The following TUBB4B variants were observed in gnomAD, a reference collection of about 807,000 sequenced individuals.
TUBB4B encodes tubulin beta 4B class IVb, also known as tubulin beta-4B chain.
TUBB4B carries 7 observed loss-of-function variants against 34.3 expected under a neutral mutation model. The observed-to-expected ratio is 0.20, with a 90% CI of 0.12 to 0.38. TUBB4B has a LOEUF of 0.38. TUBB4B is among the 10% of genes least tolerant of loss of function. The pLI is 1.00. For missense variants in TUBB4B, 178 were observed against 610.9 expected (o/e 0.29, Z 7.47); for synonymous variants, 390 against 250.2 (o/e 1.56, Z -5.27).
Position 137,241,762 on chromosome 9 carries a change from G to A in TUBB4B, c.99G>A (p.Thr33=), listed in dbSNP as rs1588857627. The change falls in exon 2 of 4, where the codon ACG becomes ACA. Residue 33 remains threonine, a synonymous_variant. Transcript: ENST00000340384. ...GCGATGAGCACGGCATCGACCCCAC[G>A]GGCACCTACCACGGGGACAGCGACC... The part of the protein sequence containing the change: ...VISDEHGIDP[T]GTYHGDSDLQ... 1.9e-6 allele frequency: 3 copies of A among 1,612,114 alleles called. No homozygotes were observed. Among genetic ancestry groups the A allele is most frequent in the South Asian group, 1.1e-5 (1 of 91,072 alleles).
Position 137,243,522 on chromosome 9 carries a change from A to G in TUBB4B, c.1304A>G (p.Glu435Gly). Residue 435 changes from glutamate to glycine, a missense_variant, in exon 4 of 4, where the codon GAG becomes GGG. Transcript: ENST00000340384. ...GATGCCACAGCCGAGGAGGAGGGCG[A>G]GTTCGAGGAGGAGGCTGAGGAGGAG... ...YQDATAEEEG[E>G]FEEEAEEEVA 1 of 1,613,948 alleles carries G rather than the reference A, an allele frequency of 6.2e-7. No individual in the cohort carries two copies. The highest frequency in any genetic ancestry group is 8.5e-7 in the Non-Finnish European group (1 of 1,180,016).
In TUBB4B at chr9:137,242,347, C is replaced by G. The variant is rs926046757; in HGVS notation, c.278-149C>G. On this transcript the variant is annotated intron_variant, in intron 3 of 3. Transcript: ENST00000340384. ...CTTAATTCGTAGCAGGGCAGGCTGCCGTCTTTTGGCTTTGAAGGGTCCGTT... is the reference window on the plus strand; with the variant it reads ...CTTAATTCGTAGCAGGGCAGGCTGCGGTCTTTTGGCTTTGAAGGGTCCGTT... 4.2e-5 allele frequency: 40 copies of G among 954,192 alleles called. No homozygotes were observed. The South Asian group carries it at 4.3e-4, about 10-fold the overall frequency. 59.1% of individuals were successfully genotyped at this position (954,192 alleles called of 1,614,324 possible). A position where few individuals can be genotyped will look rare whatever the true frequency, so the allele number is the denominator to read the frequency against.
intron 1 of TUBB4B, 145 bp downstream of exon 1, chr9:137,241,562 G>C (rs1329325522): frequency 1.3e-5 from 11 of 849,956 alleles, no homozygotes; most frequent in Non-Finnish European, 1.4e-5. Context: ...CGAGCCGGGC[G>C]ACCGAAGCCC....
chr9:137,242,273 G>C (rs1332894688), intron 3 of TUBB4B: 11 of 673,550 alleles, frequency 1.6e-5, no homozygotes, highest in Non-Finnish European at 2.5e-5. Flanking sequence ...GGAATTGGCA[G>C]TGGCCCCCCC....
At chr9:137,241,668 C>T (rs539023461) in intron 1 of TUBB4B, 53 bp from the exon 2 acceptor site, 5 of 1,462,718 alleles carry the variant, frequency 3.4e-6, no homozygotes, top group Admixed American at 4.2e-5. Flanking sequence ...CCCTGCGCAC[C>T]GGCCGCGGTG....
In TUBB4B at chr9:137,241,836, C is replaced by T. The variant is rs774375591; in HGVS notation, c.166+7C>T. 54 of 1,612,002 alleles carry T rather than the reference C, an allele frequency of 3.3e-5. No homozygotes were observed. The highest frequency in any genetic ancestry group is 1.9e-4 in the South Asian group (17 of 91,082). On this transcript the variant is annotated splice_region_variant and intron_variant, in intron 2 of 3. Coordinates refer to ENST00000340384, the MANE Select transcript of TUBB4B (RefSeq NM_006088.6). ...TACTACAATGAGGCCACCGGTGAGGCCCCGGCCCCTTCCCCGACCGCCCTC... is the reference window on the plus strand; with the variant it reads ...TACTACAATGAGGCCACCGGTGAGGTCCCGGCCCCTTCCCCGACCGCCCTC...
intron 1 of TUBB4B, 136 bp downstream of exon 1, chr9:137,241,553 G>T: frequency 1.1e-6 from 1 of 899,514 alleles, no homozygotes; most frequent in South Asian, 5.1e-5. Flanking sequence ...GGAATTGGCC[G>T]AGCCGGGCGA....
chr9:137,242,104 G>A (rs1836759284), intron 3 of TUBB4B, 83 bp downstream of exon 3: 3 of 1,405,014 alleles, frequency 2.1e-6, no homozygotes, highest in Non-Finnish European at 2.9e-6. Flanking sequence ...TGCGCAGCCG[G>A]GGCCCCTGGA....
At position 137,241,314 on chromosome 9, in the gene TUBB4B, G is replaced by A. The variant is rs748808857; in HGVS notation, c.-47G>A. The A allele has an allele frequency of 3.8e-6, 6 of 1,581,910 alleles. No homozygotes were observed. The highest frequency in any genetic ancestry group is 2.3e-5 in the East Asian group (1 of 43,056). ...CACTCTGCGCGCCCGCTCTTCTGCT[G>A]CTGTTTGTCTACTTCCTCCTGCTTC... On this transcript the variant is annotated 5_prime_UTR_variant, in exon 1 of 4. Transcript: ENST00000340384.
intron 1 of TUBB4B, 109 bp downstream of exon 1, chr9:137,241,526 C>T (rs1564425916): frequency 3.2e-5 from 33 of 1,021,678 alleles, no homozygotes; most frequent in Admixed American, 5.1e-5. Context: ...ATTGCGGCCG[C>T]CGGGCCCCCT....
chr9:137,242,482 G>T lies in TUBB4B; in HGVS notation c.278-14G>T, dbSNP rs1170370636. The T allele has an allele frequency of 6.2e-7, 1 of 1,608,726 alleles. No homozygotes were observed. Among genetic ancestry groups the T allele is most frequent in the South Asian group, 1.1e-5 (1 of 90,682 alleles). The stretch of plus-strand genomic sequence containing the variant: ...CTACCTGGCTGACAAATGATTAGCT[G>T]TGTTCTCTCACAGGTCAGAGTGGTG... On this transcript the variant is annotated splice_polypyrimidine_tract_variant and intron_variant, in intron 3 of 3. Coordinates refer to ENST00000340384, the MANE Select transcript of TUBB4B (RefSeq NM_006088.6).
intron 3 of TUBB4B, 153 bp from the exon 4 acceptor site, chr9:137,242,343 C>T (rs190848414): frequency 1.2e-5 from 11 of 922,592 alleles, no homozygotes; most frequent in African/African-American, 3.3e-5. Flanking sequence ...GCAGGGCAGG[C>T]TGCCGTCTTT....
At chr9:137,242,262 G>T in intron 3 of TUBB4B, 1 of 668,176 alleles carries the variant, frequency 1.5e-6, no homozygotes, top group Non-Finnish European at 2.5e-6. Flanking sequence ...CTCTGTCCTT[G>T]GGAATTGGCA....
In TUBB4B at chr9:137,242,486, T is replaced by A. The variant is rs1836778096; in HGVS notation, c.278-10T>A. 4 of 1,609,696 alleles carry A rather than the reference T, an allele frequency of 2.5e-6. No individual in the cohort carries two copies. The East Asian group carries it at 8.9e-5, about 36-fold the overall frequency. On this transcript the variant is annotated splice_polypyrimidine_tract_variant and intron_variant, in intron 3 of 3. Coordinates refer to ENST00000340384, the MANE Select transcript of TUBB4B (RefSeq NM_006088.6). ...CTGGCTGACAAATGATTAGCTGTGTTCTCTCACAGGTCAGAGTGGTGCTGG... is the reference window on the plus strand; with the variant it reads ...CTGGCTGACAAATGATTAGCTGTGTACTCTCACAGGTCAGAGTGGTGCTGG...
chr9:137,242,281 C>A (rs1369114008), intron 3 of TUBB4B: 1 of 686,282 alleles, frequency 1.5e-6, no homozygotes, highest in Non-Finnish European at 2.4e-6. Flanking sequence ...CAGTGGCCCC[C>A]CCGGGGAGGG....
In TUBB4B at chr9:137,243,532, G is replaced by A. The variant is rs746653900; in HGVS notation, c.1314G>A (p.Glu438=). 4.3e-6 allele frequency: 7 copies of A among 1,613,850 alleles called. No individual in the cohort carries two copies. Among genetic ancestry groups the A allele is most frequent in the African/African-American group, 1.3e-5 (1 of 74,924 alleles). Residue 438 remains glutamate (E), a synonymous_variant, in exon 4 of 4, where the codon GAG becomes GAA. Transcript: ENST00000340384. ...ATAEEEGEFE[E]EAEEEVA is the part of the protein sequence containing the mutation. ...CCGAGGAGGAGGGCGAGTTCGAGGA[G>A]GAGGCTGAGGAGGAGGTGGCCTAGA...
chr9:137,241,507 C>G (rs1836740181), intron 1 of TUBB4B, 90 bp downstream of exon 1: 1 of 1,130,826 alleles, frequency 8.8e-7, no homozygotes. Flanking sequence ...GGCCGGGCGG[C>G]GCCCCCGCAT....
Position 137,242,007 on chromosome 9 carries a change from A to G in TUBB4B, c.263A>G (p.Asp88Gly), listed in dbSNP as rs532875580. Reference sequence around the variant, plus strand: ...CCCTTCGGGCAGATCTTCCGGCCGGACAACTTCGTTTTCGGTGAGCCGTGG... The same window carrying G: ...CCCTTCGGGCAGATCTTCCGGCCGGGCAACTTCGTTTTCGGTGAGCCGTGG... The part of the protein sequence containing the change: ...SGPFGQIFRP[D>G]NFVFGQSGAG... The change falls in exon 3 of 4, where the codon GAC (aspartate) becomes GGC (glycine). Residue 88 changes from aspartate to glycine, a missense_variant. Coordinates refer to ENST00000340384, the MANE Select transcript of TUBB4B (RefSeq NM_006088.6). 1 of 1,610,632 alleles carries G rather than the reference A, an allele frequency of 6.2e-7. No homozygotes were observed. The highest frequency in any genetic ancestry group is 2.2e-5 in the East Asian group (1 of 44,870).
intron 1 of TUBB4B, 85 bp downstream of exon 1, chr9:137,241,502 G>C: frequency 8.7e-7 from 1 of 1,154,580 alleles, no homozygotes; most frequent in Non-Finnish European, 1.1e-6. Context: ...GCAGCGGCCG[G>C]GCGGCGCCCC....
Sources: allele counts gnomAD v4.1 joint callset, GRCh38; gene constraint gnomAD v4.1.1; transcripts MANE v1.5; gene names NCBI Gene and HGNC (gene_info 2026-07-23, HGNC 2026-07-21).